The following ASIC2 variants were observed in gnomAD, a reference collection of about 807,000 sequenced individuals.
The protein encoded by ASIC2 is acid sensing ion channel subunit 2, also known as acid-sensing ion channel 2.
A neutral mutation model predicts 57.3 loss-of-function variants in ASIC2; 25 were observed. The ratio of observed to expected loss-of-function variants is 0.44; its 90% CI spans 0.32 to 0.61. The LOEUF is 0.61. Among genes scored for constraint, ASIC2 ranks in the 20% least tolerant of loss-of-function variants. The pLI is 0.06. For missense variants in ASIC2, 641 were observed against 738.1 expected (o/e 0.87, Z 1.52); for synonymous variants, 319 against 307.5 (o/e 1.04, Z -0.39).
chr17:33,420,824 C>T (rs1004158593), intron 1 of ASIC2, among the ~76,000 whole-genome samples: 3 of 152,142 alleles, frequency 2.0e-5, no homozygotes, highest in Admixed American at 2.0e-4. Flanking sequence ...AGAGCTCACT[C>T]CAGCCTGCCA....
chr17:33,572,640 C>A (rs1171439310), intron 1 of ASIC2, among the ~76,000 whole-genome samples: 1 of 152,180 alleles, frequency 6.6e-6, no homozygotes, highest in Non-Finnish European at 1.5e-5. Context: ...GAACTCAGTG[C>A]CTCTTTATCT....
chr17:33,235,940 G>A (rs773106794), intron 1 of ASIC2, among the ~76,000 whole-genome samples: 18 of 151,822 alleles, frequency 1.2e-4, no homozygotes, highest in African/African-American at 3.4e-4. Context: ...GGGTTCAAGC[G>A]ATTCTCCTGC....
chr17:33,489,828 G>C (rs1021907482), intron 1 of ASIC2, among the ~76,000 whole-genome samples: 1 of 152,152 alleles, frequency 6.6e-6, no homozygotes, highest in Non-Finnish European at 1.5e-5. Flanking sequence ...TGGGACATGG[G>C]AATTTGGGCC....
intron 1 of ASIC2, among the ~76,000 whole-genome samples, chr17:33,466,927 G>C (rs1490977186): frequency 2.0e-5 from 3 of 152,152 alleles, no homozygotes; most frequent in Non-Finnish European, 4.4e-5. Context: ...TCAAGACATA[G>C]GCATGGGCAA....
At chr17:33,789,490 A>ACACACG (rs1279724845) in intron 1 of ASIC2, among the ~76,000 whole-genome samples, 1 of 151,962 alleles carries the variant, frequency 6.6e-6, no homozygotes, top group Admixed American at 6.6e-5. Flanking sequence ...ACACACACAC[A>ACACACG]CACACACACA....
intron 1 of ASIC2, among the ~76,000 whole-genome samples, chr17:33,190,579 C>T (rs1271851838): frequency 6.6e-6 from 1 of 152,036 alleles, no homozygotes; most frequent in Non-Finnish European, 1.5e-5. Flanking sequence ...CTAGAATAGT[C>T]AATTTTGAAA....
intron 1 of ASIC2, among the ~76,000 whole-genome samples, chr17:33,597,823 C>T (rs1464600079): frequency 2.6e-5 from 4 of 152,206 alleles, no homozygotes; most frequent in South Asian, 2.1e-4. Context: ...TCTCCCGGCT[C>T]ATCCCCTTGT....
rs553782938 is a variant in ASIC2 at position 34,153,022 on chromosome 17, A to G, written c.555+2956T>C. On this transcript the variant is annotated intron_variant, in intron 1 of 9. Coordinates refer to the ASIC2 transcript ENST00000359872. ...AAGCACACCTGTTTACATTGTAGTC[A>G]GCATCCCACACCTGGCTTCCCTGGG... Among the ~76,000 whole-genome samples, 8 of 152,342 alleles carry G rather than the reference A, an allele frequency of 5.3e-5. No homozygotes were observed. In the East Asian group the frequency reaches 1.4e-3, roughly 26 times the overall value.
chr17:33,727,778 G>A (rs1033072135), intron 1 of ASIC2, among the ~76,000 whole-genome samples: 1 of 152,200 alleles, frequency 6.6e-6, no homozygotes, highest in African/African-American at 2.4e-5. Flanking sequence ...CGAGTGTCAG[G>A]TATTTTTTTA....
chr17:33,086,243 C>T (rs2092133467), intron 3 of ASIC2, among the ~76,000 whole-genome samples: 1 of 152,172 alleles, frequency 6.6e-6, no homozygotes, highest in Admixed American at 6.5e-5. Context: ...CAGAGAACTT[C>T]CTCCTCTCCA....
At chr17:33,881,898 G>C in intron 1 of ASIC2, among the ~76,000 whole-genome samples, 1 of 152,154 alleles carries the variant, frequency 6.6e-6, no homozygotes, top group Non-Finnish European at 1.5e-5. Flanking sequence ...CAAGGTACTG[G>C]TACCAAAACA....
chr17:33,300,083 A>C (rs1010610740), intron 1 of ASIC2, among the ~76,000 whole-genome samples: 4 of 152,196 alleles, frequency 2.6e-5, no homozygotes, highest in Non-Finnish European at 4.4e-5. Flanking sequence ...AAAACACAAA[A>C]GAGTATCTAG....
At chr17:34,059,962 C>T (rs1379166152) in intron 1 of ASIC2, among the ~76,000 whole-genome samples, 1 of 152,180 alleles carries the variant, frequency 6.6e-6, no homozygotes, top group Non-Finnish European at 1.5e-5. Context: ...AGGGCCCTGC[C>T]CACCACCAGA....
At chr17:34,094,274 G>C (rs376380684) in intron 1 of ASIC2, among the ~76,000 whole-genome samples, 1 of 152,118 alleles carries the variant, frequency 6.6e-6, no homozygotes, top group Admixed American at 6.6e-5. Context: ...ACCTTGGCTA[G>C]GTCATTTAGC....
At chr17:33,366,992 T>G (rs566479353) in intron 1 of ASIC2, among the ~76,000 whole-genome samples, 1 of 152,380 alleles carries the variant, frequency 6.6e-6, no homozygotes, top group Admixed American at 6.5e-5. Context: ...CTTATAAAAC[T>G]TTGCAAAAAT....
intron 1 of ASIC2, among the ~76,000 whole-genome samples, chr17:33,971,552 T>C (rs769481443): frequency 6.6e-5 from 10 of 151,928 alleles, no homozygotes; most frequent in Middle Eastern, 3.4e-3. Flanking sequence ...AGAAGAGAGG[T>C]GGGGAAGAAG....
At chr17:33,845,882 T>A (rs1459408785) in intron 1 of ASIC2, among the ~76,000 whole-genome samples, 1 of 152,238 alleles carries the variant, frequency 6.6e-6, no homozygotes, top group Non-Finnish European at 1.5e-5. Context: ...GAGTCCCTAT[T>A]GCCTCCAACC....
chr17:34,066,663 T>C (rs1267596752), intron 1 of ASIC2, among the ~76,000 whole-genome samples: 1 of 152,180 alleles, frequency 6.6e-6, no homozygotes, highest in African/African-American at 2.4e-5. Context: ...GTCCATGACA[T>C]CTATCATGAT....
At chr17:33,769,424 G>A (rs964749742) in intron 1 of ASIC2, among the ~76,000 whole-genome samples, 12 of 152,154 alleles carry the variant, frequency 7.9e-5, no homozygotes, top group African/African-American at 2.9e-4. Context: ...AGCAGGCCAA[G>A]TAGACGGAGT....
Sources: gnomAD v4.1 joint callset for allele counts (sites outside exome capture counted in the v4.1 genomes callset) on GRCh38, gnomAD v4.1.1 for gene constraint, MANE v1.5 for transcripts, NCBI Gene and HGNC (gene_info 2026-07-23, HGNC 2026-07-21) for gene names.